Variants in DYM observed in about 807,000 individuals in gnomAD.
DYM encodes dyggve-Melchior-Clausen syndrome protein.
DYM carries 78 observed loss-of-function variants against 93.1 expected under a neutral mutation model. The ratio of observed to expected loss-of-function variants is 0.84; its 90% CI spans 0.70 to 1.01. The LOEUF (loss-of-function observed/expected upper bound fraction) is 1.01, where lower values mean the gene tolerates loss of function less well. DYM is among the 50% of genes least tolerant of loss of function. The pLI, the probability that DYM is intolerant of heterozygous loss-of-function variation, is 0.00. For missense variants in DYM, 789 were observed against 845.0 expected, an observed-to-expected ratio of 0.93 and a Z score of 0.82; for synonymous variants, 321 against 319.7, an observed-to-expected ratio of 1.00 and a Z score of -0.04.
intron 8 of DYM, among the ~76,000 whole-genome samples, chr18:49,308,744 A>T (rs1599309377): frequency 6.6e-6 from 1 of 152,062 alleles, no homozygotes; most frequent in Non-Finnish European, 1.5e-5. Flanking sequence ...AGAACAGGGG[A>T]ACCATTTTTC....
intron 11 of DYM, among the ~76,000 whole-genome samples, chr18:49,269,438 T>C (rs1224950298): frequency 6.6e-6 from 1 of 152,164 alleles, no homozygotes; most frequent in Non-Finnish European, 1.5e-5. Context: ...TAGTGTATCA[T>C]CTCACAATTC....
intron 4 of DYM, 98 bp from the exon 5 acceptor site, chr18:49,378,798 T>C (rs1285930634): frequency 4.8e-6 from 6 of 1,253,392 alleles, no homozygotes; most frequent in Middle Eastern, 2.3e-4. Flanking sequence ...AACCGTTTTG[T>C]CCATCCTATT....
chr18:49,205,122 A>G (rs1174653136), intron 14 of DYM, among the ~76,000 whole-genome samples: 1 of 152,054 alleles, frequency 6.6e-6, no homozygotes, highest in Admixed American at 6.6e-5. Context: ...CACTACACCC[A>G]GCTAATTTTT....
At chr18:49,327,775 A>C (rs2146732227) in intron 8 of DYM, among the ~76,000 whole-genome samples, 1 of 152,368 alleles carries the variant, frequency 6.6e-6, no homozygotes, top group Middle Eastern at 3.4e-3. Context: ...GAAGGCATTC[A>C]GCAAATGACA....
intron 15 of DYM, among the ~76,000 whole-genome samples, chr18:49,148,331 T>TTA (rs1356222544): frequency 6.6e-6 from 1 of 151,414 alleles, no homozygotes; most frequent in African/African-American, 2.4e-5. Context: ...AGCCTAAAAC[T>TTA]TAAAGTATAA....
rs756877451 is a variant in DYM at position 49,118,788 on chromosome 18, G to A, written c.1867C>T (p.Arg623Ter). Residue 623 changes from arginine to a stop codon, truncating the protein, a stop_gained, in exon 16 of 18, where the codon CGA becomes TGA. Coordinates refer to ENST00000675505, the MANE Select transcript of DYM (RefSeq NM_001353214.3). LOFTEE classifies it high-confidence loss of function. ...LYKRDLFEQFRTHPSFQDIMQ... is the reference protein window; with the variant it reads ...LYKRDLFEQF Reference sequence around the variant, plus strand: ...ATATCCTGAAATGAAGGATGAGTTCGAAATTGTTCAAAGAGATCGCGTTTG... The same window carrying A: ...ATATCCTGAAATGAAGGATGAGTTCAAAATTGTTCAAAGAGATCGCGTTTG... The A allele has an allele frequency of 7.4e-6, 12 of 1,613,958 alleles. No individual in the cohort carries two copies. Among genetic ancestry groups the A allele is most frequent in the African/African-American group, 5.3e-5 (4 of 74,914 alleles).
At chr18:49,097,539 T>G in intron 16 of DYM, 24 bp from the exon 17 acceptor site, 1 of 1,598,222 alleles carries the variant, frequency 6.3e-7, no homozygotes. Context: ...TGTTATTTTT[T>G]AAACAAGAAG....
intron 1 of DYM, among the ~76,000 whole-genome samples, chr18:49,435,644 C>G (rs965239179): frequency 6.6e-6 from 1 of 151,850 alleles, no homozygotes. Flanking sequence ...AAAAAATTAG[C>G]CAGGTGAAGT....
intron 6 of DYM, among the ~76,000 whole-genome samples, chr18:49,354,715 A>G (rs1005092991): frequency 1.3e-5 from 2 of 152,136 alleles, no homozygotes; most frequent in Admixed American, 6.6e-5. Context: ...ACTGCAAATT[A>G]AAACAATGAG....
In DYM at chr18:49,040,017, A is replaced by C. The variant is rs1477865647; in HGVS notation, c.*4038T>G. On this transcript the variant is annotated 3_prime_UTR_variant, in exon 18 of 18. Transcript: ENST00000675505. ...CTCCACAGAATTTGCCATTTGCTTCAATTGGGCACCTGAAGGCATCAGTAA... is the reference window on the plus strand; with the variant it reads ...CTCCACAGAATTTGCCATTTGCTTCCATTGGGCACCTGAAGGCATCAGTAA... 1 of 152,176 alleles carries C rather than the reference A, an allele frequency of 6.6e-6. No individual in the cohort carries two copies. The highest frequency in any genetic ancestry group is 2.4e-5 in the African/African-American group (1 of 41,440). The allele number at this position is 152,176 out of a possible 1,614,324, so 9.4% of individuals were successfully genotyped here.
rs571170669 is a variant in DYM, at chr18:49,076,315, T to C, written c.2025+21087A>G. ...AATGCCATGCCTTTCTACTTTGAGA[T>C]GACACTTATTCTCCATGCTGCAGAT... is the stretch of plus-strand genomic sequence containing the variant. On this transcript the variant is annotated intron_variant, in intron 17 of 17. Coordinates refer to ENST00000675505, the MANE Select transcript of DYM (RefSeq NM_001353214.3). Among the ~76,000 whole-genome samples the C allele has an allele frequency of 3.3e-5, 5 of 152,352 alleles. 1 individual carries two copies. The South Asian group carries it at 1.0e-3, about 32-fold the overall frequency.
At chr18:49,242,825 G>A (rs961737714) in intron 13 of DYM, among the ~76,000 whole-genome samples, 4 of 152,156 alleles carry the variant, frequency 2.6e-5, no homozygotes, top group Admixed American at 6.5e-5. Context: ...TCAGCCTCCC[G>A]AGTAGCTGGG....
At chr18:49,376,126 T>C (rs901869709) in intron 5 of DYM, among the ~76,000 whole-genome samples, 1 of 152,164 alleles carries the variant, frequency 6.6e-6, no homozygotes, top group African/African-American at 2.4e-5. Context: ...TGTGAGTCAC[T>C]ACTCCTTAAT....
chr18:49,188,125 T>A (rs2145623325), intron 14 of DYM, among the ~76,000 whole-genome samples: 1 of 152,326 alleles, frequency 6.6e-6, no homozygotes, highest in Non-Finnish European at 1.5e-5. Flanking sequence ...GAGTTAACTA[T>A]AAAGCAATCA....
intron 17 of DYM, among the ~76,000 whole-genome samples, chr18:49,058,977 T>C (rs547211833): frequency 6.6e-6 from 1 of 152,192 alleles, no homozygotes; most frequent in African/African-American, 2.4e-5. Context: ...TTGGAACTTG[T>C]ACAATGAAAA....
rs775179721 is a variant in DYM, at chr18:49,351,587, G to GAA, written c.494+11572_494+11573dup. ...TTCTAAAATCTTCCACCGAGGAAAA[G>GAA]AAAAAAAAAAACCATACAGAGCAAT... On this transcript the variant is annotated intron_variant, in intron 6 of 17. Coordinates refer to ENST00000675505, the MANE Select transcript of DYM (RefSeq NM_001353214.3). Among the ~76,000 whole-genome samples the GAA allele has an allele frequency of 4.4e-5, 6 of 137,418 alleles. No individual in the cohort carries two copies. In the East Asian group the frequency reaches 1.3e-3, roughly 29 times the overall value. 90.2% of individuals were successfully genotyped at this position (137,418 alleles called of 152,430 possible). A position where few individuals can be genotyped will look rare whatever the true frequency, so the allele number is the denominator to read the frequency against.
intron 13 of DYM, among the ~76,000 whole-genome samples, chr18:49,221,384 G>C (rs1183695192): frequency 1.3e-5 from 2 of 151,990 alleles, no homozygotes; most frequent in African/African-American, 4.8e-5. Context: ...AATACCATTT[G>C]ACCCAGTCAT....
chr18:49,237,429 C>T (rs1001928081), intron 13 of DYM, among the ~76,000 whole-genome samples: 11 of 151,756 alleles, frequency 7.2e-5, no homozygotes, highest in South Asian at 2.1e-4. Context: ...ATTGCATATA[C>T]GCAAGTAGAA....
At chr18:49,449,810 G>C (rs1453677271) in intron 1 of DYM, among the ~76,000 whole-genome samples, 1 of 152,106 alleles carries the variant, frequency 6.6e-6, no homozygotes, top group Non-Finnish European at 1.5e-5. Context: ...CAAAAGAAAG[G>C]GTACCTTAGG....
Sources: gnomAD v4.1 joint callset for allele counts (sites outside exome capture counted in the v4.1 genomes callset) on GRCh38, gnomAD v4.1.1 for gene constraint, MANE v1.5 for transcripts, NCBI Gene and HGNC (gene_info 2026-07-23, HGNC 2026-07-21) for gene names.